EDAR: variants seen among roughly 807,000 people sequenced by gnomAD.
EDAR encodes ectodysplasin A receptor, also known as tumor necrosis factor receptor superfamily member EDAR.
In EDAR, 38 loss-of-function variants were observed where a neutral mutation model predicts 51.3. The observed-to-expected ratio is 0.74, with a 90% CI of 0.57 to 0.97. The LOEUF (loss-of-function observed/expected upper bound fraction) is 0.97. EDAR is among the 50% of genes least tolerant of loss of function. The probability of loss-of-function intolerance (pLI) is 0.00; values close to 1 mark genes in which losing one functional copy is unlikely to be tolerated. For missense variants in EDAR, 528 were observed against 595.0 expected (o/e 0.89, Z 1.17); for synonymous variants, 227 against 242.1 (o/e 0.94, Z 0.58).
chr2:108,909,799 G>A lies in EDAR; in HGVS notation c.803+661C>T, dbSNP rs947863175. Among the ~76,000 whole-genome samples, 8 of 152,332 alleles carry A rather than the reference G, an allele frequency of 5.3e-5. No individual in the cohort carries two copies. The South Asian group carries it at 1.2e-3, about 24-fold the overall frequency. ...TTCATGTGTGGTAAACGCGGGAAAG[G>A]CTTCACCTGCCAAATCTCCTCCTCC... On this transcript the variant is annotated intron_variant, in intron 9 of 11. Coordinates refer to ENST00000258443, the MANE Select transcript of EDAR (RefSeq NM_022336.4).
At chr2:108,900,683 T>C (rs1353590716) in intron 11 of EDAR, among the ~76,000 whole-genome samples, 1 of 151,924 alleles carries the variant, frequency 6.6e-6, no homozygotes, top group African/African-American at 2.4e-5. Context: ...CACTTCAATA[T>C]AATGAGAGAG....
chr2:108,907,933 G>T lies in EDAR; in HGVS notation c.890C>A (p.Ser297Tyr). 6.2e-7 allele frequency: 1 copy of T among 1,613,682 alleles called. No individual in the cohort carries two copies. The highest frequency in any genetic ancestry group is 8.5e-7 in the Non-Finnish European group (1 of 1,180,026). ...CAGCGACAGCAGGCACAGCTCCGGG[G>T]AGCCCTGCTTGTCAGGGGCGGGCTC... The part of the protein sequence containing the change: ...DEEPAPDKQG[S>Y]PELCLLSLVH... Residue 297 changes from serine (S) to tyrosine (Y), a missense_variant, in exon 10 of 12, where the codon TCC (serine) becomes TAC (tyrosine). Ser to Tyr is a moderately radical substitution (Grantham distance 144). Transcript: ENST00000258443.
At position 108,929,187 on chromosome 2, in the gene EDAR, C is replaced by T. The variant is rs754023132; in HGVS notation, c.356+11G>A. The T allele has an allele frequency of 7.4e-6, 12 of 1,613,808 alleles. No homozygotes were observed. The South Asian group carries it at 1.3e-4, about 18-fold the overall frequency. On this transcript the variant is annotated intron_variant, in intron 4 of 11. Coordinates refer to ENST00000258443, the MANE Select transcript of EDAR (RefSeq NM_022336.4). Reference sequence around the variant, plus strand: ...AGCATGCCAGGGTTTGCCAGGAGGGCCTGTGCTTACCCAGGGAGGCAAGGG... The same window carrying T: ...AGCATGCCAGGGTTTGCCAGGAGGGTCTGTGCTTACCCAGGGAGGCAAGGG...
intron 1 of EDAR, among the ~76,000 whole-genome samples, chr2:108,952,083 T>A (rs775150647): frequency 2.0e-5 from 3 of 152,202 alleles, no homozygotes; most frequent in Non-Finnish European, 4.4e-5. Flanking sequence ...TGACGGAAGG[T>A]CAAAAGGGAG....
intron 1 of EDAR, among the ~76,000 whole-genome samples, chr2:108,939,741 A>G (rs566000137): frequency 4.6e-4 from 70 of 152,294 alleles, no homozygotes; most frequent in African/African-American, 1.6e-3. Flanking sequence ...TTTTCTGCCA[A>G]TGGGCTACTG....
chr2:108,948,254 C>A (rs1461581741), intron 1 of EDAR, among the ~76,000 whole-genome samples: 1 of 152,220 alleles, frequency 6.6e-6, no homozygotes, highest in African/African-American at 2.4e-5. Context: ...ACTTCATTGT[C>A]CATATCACTA....
chr2:108,938,204 C>G (rs1036727240), intron 1 of EDAR, among the ~76,000 whole-genome samples: 1 of 152,178 alleles, frequency 6.6e-6, no homozygotes, highest in Non-Finnish European at 1.5e-5. Flanking sequence ...TTTGACTCAA[C>G]TTTTTCCGCT....
At chr2:108,986,651 G>C (rs1698506320) in intron 1 of EDAR, among the ~76,000 whole-genome samples, 1 of 152,098 alleles carries the variant, frequency 6.6e-6, no homozygotes, top group African/African-American at 2.4e-5. Flanking sequence ...TTCCTTATTG[G>C]GAAAATAGAG....
intron 10 of EDAR, 58 bp from the exon 11 acceptor site, chr2:108,906,426 C>A: frequency 1.3e-6 from 2 of 1,580,354 alleles, no homozygotes; most frequent in South Asian, 2.2e-5. Context: ...AGAAAGGAGG[C>A]AAATCCTCCA....
chr2:108,943,067 CTTT>C (rs1272138955), intron 1 of EDAR, among the ~76,000 whole-genome samples: 5 of 152,162 alleles, frequency 3.3e-5, no homozygotes, highest in Non-Finnish European at 5.9e-5. Flanking sequence ...TCAGAGTGGG[CTTT>C]TTTTCCCTCC....
At chr2:108,956,085 G>A (rs186717337) in intron 1 of EDAR, among the ~76,000 whole-genome samples, 202 of 152,222 alleles carry the variant, frequency 1.3e-3, no homozygotes, top group Admixed American at 5.2e-3. Flanking sequence ...GGCTACTTGT[G>A]GTTTGACTGT....
chr2:108,942,601 T>C (rs1697625531), intron 1 of EDAR, among the ~76,000 whole-genome samples: 1 of 152,238 alleles, frequency 6.6e-6, no homozygotes. Flanking sequence ...GAGTCTGCGC[T>C]GAGTGAGGCC....
chr2:108,983,123 C>T (rs1291177995), intron 1 of EDAR, among the ~76,000 whole-genome samples: 6 of 152,126 alleles, frequency 3.9e-5, no homozygotes, highest in Non-Finnish European at 7.4e-5. Flanking sequence ...CTGTCAGTGC[C>T]CTCCCTTGGC....
chr2:108,926,888 C>T lies in EDAR; in HGVS notation c.356+2310G>A, dbSNP rs534995424. Among the ~76,000 whole-genome samples, 53 of 152,322 alleles carry T rather than the reference C, an allele frequency of 3.5e-4. 1 individual carries two copies. The highest frequency in any genetic ancestry group is 6.8e-3 in the Middle Eastern group (2 of 294). On this transcript the variant is annotated intron_variant, in intron 4 of 11. Coordinates refer to ENST00000258443, the MANE Select transcript of EDAR (RefSeq NM_022336.4). ...CAGCCTTTCATGGAGCTAGTCACAC[C>T]GGCCTGCCAAGACTCCTGTGATCCT...
Position 108,982,387 on chromosome 2 carries a change from T to C in EDAR, c.-19+6573A>G, listed in dbSNP as rs149723721. ...AAAGGCCTCCATCTCCAGAGGCTCC[T>C]GCTTTAACTGATGCCGTGGGAGGCA... is the stretch of plus-strand genomic sequence containing the variant. On this transcript the variant is annotated intron_variant, in intron 1 of 11. Coordinates refer to ENST00000258443, the MANE Select transcript of EDAR (RefSeq NM_022336.4). Among the ~76,000 whole-genome samples the C allele has an allele frequency of 5.5e-3, 836 of 152,348 alleles. 6 individuals are homozygous for C. The highest frequency in any genetic ancestry group is 0.019 in the African/African-American group (793 of 41,588).
At chr2:108,904,625 T>A (rs1041705311) in intron 11 of EDAR, among the ~76,000 whole-genome samples, 3 of 152,210 alleles carry the variant, frequency 2.0e-5, no homozygotes, top group African/African-American at 7.2e-5. Flanking sequence ...AGACTACTAC[T>A]CAGCAAGAGA....
At chr2:108,967,305 A>G (rs1698164840) in intron 1 of EDAR, among the ~76,000 whole-genome samples, 1 of 152,168 alleles carries the variant, frequency 6.6e-6, no homozygotes, top group African/African-American at 2.4e-5. Context: ...GAAAAACAGG[A>G]AAAAAACATG....
At chr2:108,898,879 A>C in intron 11 of EDAR, among the ~76,000 whole-genome samples, 1 of 152,226 alleles carries the variant, frequency 6.6e-6, no homozygotes, top group East Asian at 1.9e-4. Context: ...AGTGGAAATT[A>C]CTCAATCAGA....
chr2:108,931,841 A>G (rs935921329), intron 1 of EDAR, among the ~76,000 whole-genome samples: 2 of 152,106 alleles, frequency 1.3e-5, no homozygotes, highest in African/African-American at 4.8e-5. Flanking sequence ...AAGAGAGATA[A>G]TGTGCTCTAG....
Sources: gnomAD v4.1 joint callset for allele counts (sites outside exome capture counted in the v4.1 genomes callset) on GRCh38, gnomAD v4.1.1 for gene constraint, MANE v1.5 for transcripts, NCBI Gene and HGNC (gene_info 2026-07-23, HGNC 2026-07-21) for gene names.